The following NKAIN2 variants were observed in gnomAD, a reference collection of about 807,000 sequenced individuals.
The protein encoded by NKAIN2 is sodium/potassium-transporting ATPase subunit beta-1-interacting protein 2.
A neutral mutation model predicts 32.6 loss-of-function variants in NKAIN2; 14 were observed. The observed-to-expected ratio is 0.43, with a 90% CI of 0.28 to 0.67. NKAIN2 has a LOEUF of 0.67. Among genes scored for constraint, NKAIN2 ranks in the 30% least tolerant of loss-of-function variants. NKAIN2 has a pLI of 0.17. For synonymous variants in NKAIN2, 80 were observed against 87.2 expected (o/e 0.92, Z 0.46); for missense variants, 198 against 258.3 (o/e 0.77, Z 1.60).
intron 1 of NKAIN2, among the ~76,000 whole-genome samples, chr6:124,185,222 C>T (rs995061074): frequency 5.9e-5 from 9 of 152,104 alleles, no homozygotes; most frequent in Admixed American, 2.6e-4. Context: ...ATATTATTAT[C>T]GTACAGTAGT....
At chr6:124,509,047 G>A (rs76598761) in intron 3 of NKAIN2, among the ~76,000 whole-genome samples, 2,031 of 152,192 alleles carry the variant, frequency 0.013, 44 homozygotes, top group African/African-American at 0.045. Context: ...TTAGGACTTC[G>A]ATATATCTTT....
intron 1 of NKAIN2, among the ~76,000 whole-genome samples, chr6:124,168,554 G>T (rs1788689013): frequency 1.3e-5 from 2 of 148,980 alleles, no homozygotes; most frequent in East Asian, 3.9e-4. Flanking sequence ...TGTTAATTTT[G>T]TGTGTGTGTG....
In NKAIN2 at chr6:124,088,609, G is replaced by A. The variant is rs377137745; in HGVS notation, c.55-194396G>A. Among the ~76,000 whole-genome samples the A allele has an allele frequency of 6.1e-4, 93 of 152,114 alleles. 1 individual carries two copies. The South Asian group carries it at 0.011, about 18-fold the overall frequency. On this transcript the variant is annotated intron_variant, in intron 1 of 6. Coordinates refer to ENST00000368417, the MANE Select transcript of NKAIN2 (RefSeq NM_001040214.3). ...GTAATCTCTAGTACTGTTGCTTTCT[G>A]TGGCAAGTAATGGAACCTGGTCAAA...
chr6:124,632,364 G>T (rs751276771), intron 3 of NKAIN2, among the ~76,000 whole-genome samples: 1 of 152,122 alleles, frequency 6.6e-6, no homozygotes, highest in Non-Finnish European at 1.5e-5. Flanking sequence ...GGCTAATGCT[G>T]CTGCAGTATC....
chr6:124,627,768 C>T (rs140731438), intron 3 of NKAIN2, among the ~76,000 whole-genome samples: 1 of 152,180 alleles, frequency 6.6e-6, no homozygotes, highest in Non-Finnish European at 1.5e-5. Flanking sequence ...CTTTAGTGCC[C>T]CATGATTTTC....
At chr6:123,854,969 C>T (rs536256249) in intron 1 of NKAIN2, among the ~76,000 whole-genome samples, 5 of 152,320 alleles carry the variant, frequency 3.3e-5, no homozygotes, top group Admixed American at 3.3e-4. Context: ...TGATTCTCTT[C>T]ACTGTCTTTG....
intron 4 of NKAIN2, among the ~76,000 whole-genome samples, chr6:124,742,772 C>T (rs1267912156): frequency 1.3e-5 from 2 of 151,734 alleles, no homozygotes; most frequent in Non-Finnish European, 2.9e-5. Context: ...CCTGCCATCA[C>T]GCCCTTACCT....
In NKAIN2 at chr6:123,950,770, T is replaced by C. The variant is rs114264572; in HGVS notation, c.54+146516T>C. On this transcript the variant is annotated intron_variant, in intron 1 of 6. Transcript: ENST00000368417. Reference sequence around the variant, plus strand: ...TCATTTGATTGTTCCTTTGTGTTGTTTTTTAGTCCAATTTCATTTAGTTCT... The same window carrying C: ...TCATTTGATTGTTCCTTTGTGTTGTCTTTTAGTCCAATTTCATTTAGTTCT... 5.2e-3 allele frequency among the ~76,000 whole-genome samples: 784 copies of C among 152,106 alleles called. 10 individuals are homozygous for C. Among genetic ancestry groups the C allele is most frequent in the African/African-American group, 0.018 (754 of 41,560 alleles).
intron 4 of NKAIN2, among the ~76,000 whole-genome samples, chr6:124,775,712 T>C (rs1165658733): frequency 6.6e-6 from 1 of 152,204 alleles, no homozygotes; most frequent in Non-Finnish European, 1.5e-5. Flanking sequence ...GCTTGCACTC[T>C]ACGTGAGCAG....
intron 3 of NKAIN2, among the ~76,000 whole-genome samples, chr6:124,465,246 T>A (rs1190858986): frequency 6.6e-6 from 1 of 151,924 alleles, no homozygotes; most frequent in African/African-American, 2.4e-5. Context: ...TGCCGATCAA[T>A]GGTAGACTGG....
intron 3 of NKAIN2, among the ~76,000 whole-genome samples, chr6:124,462,131 G>A (rs1177823778): frequency 6.6e-6 from 1 of 151,774 alleles, no homozygotes; most frequent in Non-Finnish European, 1.5e-5. Flanking sequence ...AGCTCCGTGA[G>A]GGGATACAGC....
chr6:124,670,313 C>T (rs904676081), intron 4 of NKAIN2, among the ~76,000 whole-genome samples: 5 of 152,034 alleles, frequency 3.3e-5, no homozygotes, highest in Admixed American at 2.0e-4. Context: ...TGGCATGACT[C>T]ATTATCATCA....
At chr6:124,115,069 A>G (rs1582671725) in intron 1 of NKAIN2, among the ~76,000 whole-genome samples, 1 of 152,254 alleles carries the variant, frequency 6.6e-6, no homozygotes, top group East Asian at 1.9e-4. Context: ...AATAGGCTAA[A>G]TCTGTCAATA....
chr6:124,207,074 C>A (rs1790931355), intron 1 of NKAIN2, among the ~76,000 whole-genome samples: 1 of 151,416 alleles, frequency 6.6e-6, no homozygotes, highest in Non-Finnish European at 1.5e-5. Flanking sequence ...TGCATATAAC[C>A]TGTCAGTGCC....
At chr6:124,256,076 AGTGTTAAC>A (rs1793916240) in intron 1 of NKAIN2, among the ~76,000 whole-genome samples, 1 of 152,180 alleles carries the variant, frequency 6.6e-6, no homozygotes. Context: ...TACTCCGTGG[AGTGTTAAC>A]GTGTTAGTCT....
chr6:124,039,368 G>A (rs969323692), intron 1 of NKAIN2, among the ~76,000 whole-genome samples: 2 of 151,606 alleles, frequency 1.3e-5, no homozygotes, highest in Non-Finnish European at 2.9e-5. Flanking sequence ...AACAATTTCT[G>A]TTTGATTACT....
intron 3 of NKAIN2, among the ~76,000 whole-genome samples, chr6:124,394,387 A>G (rs1773271981): frequency 6.6e-6 from 1 of 152,100 alleles, no homozygotes; most frequent in African/African-American, 2.4e-5. Flanking sequence ...GAAAAAAGTA[A>G]AACATGACCT....
chr6:124,615,175 C>T (rs1277361938), intron 3 of NKAIN2, among the ~76,000 whole-genome samples: 1 of 152,144 alleles, frequency 6.6e-6, no homozygotes, highest in Non-Finnish European at 1.5e-5. Context: ...ATCTTACATC[C>T]ATAAAGATCC....
intron 4 of NKAIN2, among the ~76,000 whole-genome samples, chr6:124,737,675 C>T (rs1049428232): frequency 5.3e-4 from 81 of 151,912 alleles, no homozygotes; most frequent in African/African-American, 1.9e-3. Context: ...GACAGAAAGA[C>T]GTGGGAAAGT....
Sources: gnomAD v4.1 joint callset for allele counts (sites outside exome capture counted in the v4.1 genomes callset) on GRCh38, gnomAD v4.1.1 for gene constraint, MANE v1.5 for transcripts, NCBI Gene and HGNC (gene_info 2026-07-23, HGNC 2026-07-21) for gene names.